The following TMCC3 variants were observed in gnomAD, a reference collection of about 807,000 sequenced individuals.
TMCC3 encodes the protein transmembrane and coiled-coil domain protein 3.
TMCC3 carries 28 observed loss-of-function variants against 40.2 expected under a neutral mutation model. The ratio of observed to expected loss-of-function variants is 0.70; its 90% confidence interval spans 0.52 to 0.95. TMCC3 has a LOEUF of 0.95. Among genes scored for constraint, TMCC3 ranks in the 40% least tolerant of loss-of-function variants. The pLI, the probability that TMCC3 is intolerant of heterozygous loss-of-function variation, is 0.00. For missense variants in TMCC3, 554 were observed against 615.2 expected (o/e 0.90, Z 1.05); for synonymous variants, 255 against 248.5 (o/e 1.03, Z -0.25).
intron 3 of TMCC3, among the ~76,000 whole-genome samples, chr12:94,577,992 CA>C (rs1187832135): frequency 6.6e-6 from 1 of 150,558 alleles, no homozygotes; most frequent in African/African-American, 2.4e-5. Context: ...ACTAAAAATA[CA>C]AAAAAATTAG....
intron 2 of TMCC3, among the ~76,000 whole-genome samples, chr12:94,581,001 C>T (rs2068597408): frequency 6.6e-6 from 1 of 152,128 alleles, no homozygotes; most frequent in South Asian, 2.1e-4. Flanking sequence ...AGCTAAAAGC[C>T]ACAAATTATA....
chr12:94,589,977 G>C (rs371553832), intron 1 of TMCC3, among the ~76,000 whole-genome samples: 47 of 152,250 alleles, frequency 3.1e-4, no homozygotes, highest in Middle Eastern at 3.4e-3. Context: ...GATAATCTGG[G>C]CTTCGTTTAG....
intron 1 of TMCC3, among the ~76,000 whole-genome samples, chr12:94,610,425 C>G (rs563672921): frequency 2.4e-4 from 35 of 144,406 alleles, no homozygotes; most frequent in Non-Finnish European, 4.0e-4. Flanking sequence ...CACCTTAAGG[C>G]AGGCAAAAAA....
chr12:94,641,032 T>C (rs1171390256), intron 1 of TMCC3, among the ~76,000 whole-genome samples: 2 of 152,078 alleles, frequency 1.3e-5, no homozygotes, highest in African/African-American at 4.8e-5. Flanking sequence ...AAACCCTGTC[T>C]CTACTAAAAA....
Position 94,650,498 on chromosome 12 carries a change from C to T in TMCC3, c.-68G>A. 2 of 1,174,170 alleles carry T rather than the reference C, an allele frequency of 1.7e-6. No individual in the cohort carries two copies. Among genetic ancestry groups the T allele is most frequent in the South Asian group, 7.0e-5 (2 of 28,424 alleles). The allele number at this position is 1,174,170 out of a possible 1,614,324, so 72.7% of individuals were successfully genotyped here. ...CGCGCCGCGAGCCACCGGCTGTGCTCGGGATCACCCTGGGAGCCGCGGGCG... is the reference window on the plus strand; with the variant it reads ...CGCGCCGCGAGCCACCGGCTGTGCTTGGGATCACCCTGGGAGCCGCGGGCG... On this transcript the variant is annotated 5_prime_UTR_variant, in exon 1 of 4. Coordinates refer to ENST00000261226, the MANE Select transcript of TMCC3 (RefSeq NM_020698.4).
intron 1 of TMCC3, among the ~76,000 whole-genome samples, chr12:94,599,556 A>ACACCCC (rs2068739204): frequency 2.9e-5 from 2 of 69,504 alleles, no homozygotes; most frequent in Non-Finnish European, 6.3e-5. Flanking sequence ...TTTAAAAGAT[A>ACACCCC]CCCCCCCCCC....
intron 1 of TMCC3, among the ~76,000 whole-genome samples, chr12:94,642,770 AG>A (rs1755197453): frequency 6.6e-6 from 1 of 152,246 alleles, no homozygotes; most frequent in African/African-American, 2.4e-5. Flanking sequence ...AGCATTTAGC[AG>A]GTGCTGGCAC....
intron 1 of TMCC3, among the ~76,000 whole-genome samples, chr12:94,645,337 C>T (rs184724025): frequency 1.3e-4 from 20 of 152,294 alleles, no homozygotes; most frequent in South Asian, 4.2e-4. Context: ...AGCAGCCTTT[C>T]CGTTTCTAAG....
rs575928129 is a variant in TMCC3 at position 94,637,516 on chromosome 12, A to G, written c.78+12837T>C. On this transcript the variant is annotated intron_variant, in intron 1 of 3. Coordinates refer to ENST00000261226, the MANE Select transcript of TMCC3 (RefSeq NM_020698.4). ...CATTAATGATAGTTACACAAAGTTT[A>G]CCAGTGTTGTTCAGTGCTGCATCCT... Among the ~76,000 whole-genome samples the G allele has an allele frequency of 2.1e-4, 32 of 152,318 alleles. 1 individual carries two copies. In the South Asian group the frequency reaches 6.6e-3, roughly 32 times the overall value.
chr12:94,623,868 T>C (rs148570813), intron 1 of TMCC3, among the ~76,000 whole-genome samples: 1,633 of 152,332 alleles, frequency 0.011, 19 homozygotes, highest in Admixed American at 0.031. Context: ...AGTCAAGCCA[T>C]GCAAACCACA....
At chr12:94,609,982 G>A (rs974309499) in intron 1 of TMCC3, 1 of 152,186 alleles carries the variant, frequency 6.6e-6, no homozygotes, top group Non-Finnish European at 1.5e-5. Flanking sequence ...TAGTTGCAAG[G>A]GAGGCTGGGG....
chr12:94,590,993 A>T, intron 1 of TMCC3: 1 of 559,376 alleles, frequency 1.8e-6, no homozygotes, highest in Non-Finnish European at 3.6e-6. Context: ...GGAGATGAGG[A>T]AGAAACCGCG....
chr12:94,649,988 G>A (rs1021603430), intron 1 of TMCC3, among the ~76,000 whole-genome samples: 1 of 152,192 alleles, frequency 6.6e-6, no homozygotes, highest in African/African-American at 2.4e-5. Flanking sequence ...AGACCCCGGA[G>A]ACCTGGAGAC....
chr12:94,571,881 G>T lies in TMCC3; in HGVS notation c.1132-144C>A, dbSNP rs189571367. On this transcript the variant is annotated intron_variant, in intron 3 of 3. Transcript: ENST00000261226. ...AAATCCCCAAACCGATGATGATGGTGATAGACAAAGATGTGGAACAAGAAT... is the reference window on the plus strand; with the variant it reads ...AAATCCCCAAACCGATGATGATGGTTATAGACAAAGATGTGGAACAAGAAT... The T allele has an allele frequency of 1.9e-4, 139 of 727,066 alleles. No homozygotes were observed. In the African/African-American group the frequency reaches 2.4e-3, roughly 12 times the overall value. 45.0% of individuals were successfully genotyped at this position (727,066 alleles called of 1,614,324 possible).
chr12:94,622,672 AT>A (rs1300717961), intron 1 of TMCC3, among the ~76,000 whole-genome samples: 5 of 152,118 alleles, frequency 3.3e-5, no homozygotes, highest in African/African-American at 1.2e-4. Flanking sequence ...CCATACTCTG[AT>A]TTTTATCTTT....
At chr12:94,604,005 T>C (rs906225662) in intron 1 of TMCC3, among the ~76,000 whole-genome samples, 20 of 152,238 alleles carry the variant, frequency 1.3e-4, no homozygotes, top group Non-Finnish European at 5.9e-5. Flanking sequence ...CAAACTTTCA[T>C]GACACTGTCT....
At chr12:94,573,611 C>A (rs2068546245) in intron 3 of TMCC3, among the ~76,000 whole-genome samples, 1 of 152,168 alleles carries the variant, frequency 6.6e-6, no homozygotes, top group Non-Finnish European at 1.5e-5. Context: ...CAGGGTCTCA[C>A]TCTGTTGCCC....
chr12:94,630,283 G>C, intron 1 of TMCC3, among the ~76,000 whole-genome samples: 1 of 150,916 alleles, frequency 6.6e-6, no homozygotes. Context: ...AAGATACAAA[G>C]ATACAGAAAA....
In TMCC3 at chr12:94,568,905, C is replaced by G. The variant is rs1222579140; in HGVS notation, c.*2530G>C. 6.6e-6 allele frequency: 1 copy of G among 152,196 alleles called. No individual in the cohort carries two copies. The highest frequency in any genetic ancestry group is 1.5e-5 in the Non-Finnish European group (1 of 68,026). 9.4% of individuals were successfully genotyped at this position (152,196 alleles called of 1,614,324 possible). A position where few individuals can be genotyped will look rare whatever the true frequency, so the allele number is the denominator to read the frequency against. On this transcript the variant is annotated 3_prime_UTR_variant, in exon 4 of 4. Transcript: ENST00000261226. Reference sequence around the variant, plus strand: ...GATCCTACGGTATGTTAGAATAAAGCTAGTTTCTAGCAGATTCTGTTAACA... The same window carrying G: ...GATCCTACGGTATGTTAGAATAAAGGTAGTTTCTAGCAGATTCTGTTAACA...
Sources: allele counts gnomAD v4.1 joint callset (sites outside exome capture counted in the v4.1 genomes callset), GRCh38; gene constraint gnomAD v4.1.1; transcripts MANE v1.5; gene names NCBI Gene and HGNC (gene_info 2026-07-23, HGNC 2026-07-21).